Variants in LPIN3 observed in about 807,000 individuals in gnomAD.
LPIN3 encodes phosphatidate phosphatase LPIN3.
LPIN3 carries 82 observed loss-of-function variants against 94.7 expected under a neutral mutation model. The ratio of observed to expected loss-of-function variants is 0.87; its 90% confidence interval spans 0.72 to 1.04. The LOEUF (loss-of-function observed/expected upper bound fraction) is 1.04, where lower values mean the gene tolerates loss of function less well. Ranked by LOEUF, LPIN3 falls within the 50% of genes least tolerant of loss-of-function variation. The pLI, the probability that LPIN3 is intolerant of heterozygous loss-of-function variation, is 0.00. For missense variants in LPIN3, 996 were observed against 1,090.5 expected (o/e 0.91, Z 1.22); for synonymous variants, 418 against 443.3 (o/e 0.94, Z 0.72).
At chr20:41,350,813 G>A (rs2045980974) in intron 7 of LPIN3, among the ~76,000 whole-genome samples, 6 of 152,188 alleles carry the variant, frequency 3.9e-5, no homozygotes, top group Admixed American at 3.9e-4. Flanking sequence ...AGAAATGGAA[G>A]ACGGCCGGGA....
At chr20:41,356,070 GGCTGA>G (rs1255745979) in intron 14 of LPIN3, 36 bp downstream of exon 14, 1 of 1,606,248 alleles carries the variant, frequency 6.2e-7, no homozygotes, top group South Asian at 1.1e-5. Flanking sequence ...GTTGGGGAGG[GGCTGA>G]GCTAATTCTG....
intron 5 of LPIN3, 131 bp downstream of exon 5, chr20:41,349,303 TA>T (rs1271447324): frequency 1.3e-6 from 1 of 751,092 alleles, no homozygotes; most frequent in Non-Finnish European, 2.1e-6. Context: ...TTTTCCTTTG[TA>T]AAGAGTTCAA....
intron 2 of LPIN3, 45 bp from the exon 3 acceptor site, chr20:41,347,507 A>G: frequency 6.3e-7 from 1 of 1,586,754 alleles, no homozygotes; most frequent in African/African-American, 1.3e-5. Context: ...GGTCGGAAGC[A>G]TGGGCGTGAA....
Position 41,349,846 on chromosome 20 carries a change from C to G in LPIN3, c.711C>G (p.Pro237=), listed in dbSNP as rs761735885. 1.9e-5 allele frequency: 30 copies of G among 1,613,492 alleles called. No individual in the cohort carries two copies. Among genetic ancestry groups the G allele is most frequent in the Non-Finnish European group, 2.5e-5 (30 of 1,180,030 alleles). Residue 237 remains proline, a synonymous_variant, in exon 6 of 20, where the codon CCC becomes CCG. Transcript: ENST00000373257. ...ELEVRTPEPS[P]LRAESHMQWA... is the part of the protein sequence containing the mutation. ...AGGTGCGGACCCCGGAGCCCAGTCCCCTAAGAGCCGAGTCCCACATGCAGT... is the reference window on the plus strand; with the variant it reads ...AGGTGCGGACCCCGGAGCCCAGTCCGCTAAGAGCCGAGTCCCACATGCAGT...
In LPIN3 at chr20:41,354,576, C is replaced by G. The variant is rs781738552; in HGVS notation, c.1528-69C>G. On this transcript the variant is annotated intron_variant, in intron 11 of 19. Transcript: ENST00000373257. ...CTCTGGGCTCATGCGTGGAGGGTCCCAAGAACAACGTAAGGTAGGAGGTTT... is the reference window on the plus strand; with the variant it reads ...CTCTGGGCTCATGCGTGGAGGGTCCGAAGAACAACGTAAGGTAGGAGGTTT... The G allele has an allele frequency of 4.1e-6, 6 of 1,458,260 alleles. No homozygotes were observed. The East Asian group carries it at 1.4e-4, about 34-fold the overall frequency. 90.3% of individuals were successfully genotyped at this position (1,458,260 alleles called of 1,614,324 possible).
chr20:41,352,159 A>G lies in LPIN3; in HGVS notation c.1302A>G (p.Thr434=), dbSNP rs754566947. The change falls in exon 9 of 20, where the codon ACA becomes ACG. Residue 434 remains threonine (T), a synonymous_variant. Transcript: ENST00000373257. The part of the protein sequence containing the change: ...PEHEPEPTLD[T]VDTIALSLCG... Reference sequence around the variant, plus strand: ...ATGAACCTGAACCCACTCTGGACACAGTGGATACAATAGCACTGTCCCTCT... The same window carrying G: ...ATGAACCTGAACCCACTCTGGACACGGTGGATACAATAGCACTGTCCCTCT... 6.2e-7 allele frequency: 1 copy of G among 1,614,114 alleles called. No individual in the cohort carries two copies. Among genetic ancestry groups the G allele is most frequent in the Non-Finnish European group, 8.5e-7 (1 of 1,180,052 alleles).
At position 41,351,903 on chromosome 20, in the gene LPIN3, G is replaced by A. The variant is rs139441146; in HGVS notation, c.1185G>A (p.Ala395=). 1,995 of 1,614,228 alleles carry A rather than the reference G, an allele frequency of 1.2e-3. 4 individuals carry two copies. The highest frequency in any genetic ancestry group is 1.6e-3 in the Non-Finnish European group (1,870 of 1,180,044). The change falls in exon 8 of 20, where the codon GCG becomes GCA. Residue 395 remains alanine, a synonymous_variant. Coordinates refer to ENST00000373257, the MANE Select transcript of LPIN3 (RefSeq NM_022896.3). The stretch of plus-strand genomic sequence containing the variant: ...CCTCCCTGGACTCTGAGAATGCAGC[G>A]CTTTACTTCCCCCAAAGGTGCCTGG... ...DLPSLDSENA[A]LYFPQSDSGL... is the part of the protein sequence containing the mutation.
chr20:41,357,280 T>C, intron 15 of LPIN3, 81 bp from the exon 16 acceptor site: 1 of 1,597,740 alleles, frequency 6.3e-7, no homozygotes, highest in Non-Finnish European at 8.6e-7. Context: ...AGAGGAGCCC[T>C]CCCTTCCTGG....
At chr20:41,353,616 T>C (rs73267558) in intron 11 of LPIN3, among the ~76,000 whole-genome samples, 7,707 of 152,186 alleles carry the variant, frequency 0.051, 634 homozygotes, top group African/African-American at 0.18. Flanking sequence ...CCTAGCCTCT[T>C]TACTCTTCCC....
intron 2 of LPIN3, among the ~76,000 whole-genome samples, chr20:41,346,424 A>C (rs1195712790): frequency 6.6e-6 from 1 of 152,218 alleles, no homozygotes; most frequent in African/African-American, 2.4e-5. Context: ...GAAACACTCA[A>C]ATGTTAGTTT....
intron 2 of LPIN3, 121 bp from the exon 3 acceptor site, chr20:41,347,431 G>T: frequency 1.1e-6 from 1 of 879,416 alleles, no homozygotes; most frequent in East Asian, 2.5e-5. Flanking sequence ...CCGGAGGGAG[G>T]GAACCCCAGC....
At chr20:41,348,963 T>C (rs1164609604) in intron 4 of LPIN3, 76 bp downstream of exon 4, 10 of 1,580,704 alleles carry the variant, frequency 6.3e-6, no homozygotes, top group African/African-American at 2.7e-5. Flanking sequence ...CTGTGTGACT[T>C]TGGGCAAGGG....
intron 11 of LPIN3, 80 bp from the exon 12 acceptor site, chr20:41,354,565 G>C (rs558588966): frequency 2.2e-6 from 3 of 1,391,696 alleles, no homozygotes; most frequent in South Asian, 3.0e-5. Context: ...GGGCTCATGC[G>C]TGGAGGGTCC....
intron 7 of LPIN3, among the ~76,000 whole-genome samples, chr20:41,351,455 C>A (rs2046010899): frequency 6.6e-6 from 1 of 151,554 alleles, no homozygotes; most frequent in Non-Finnish European, 1.5e-5. Flanking sequence ...TGTCACCACG[C>A]CCAGCTAATT....
intron 13 of LPIN3, 61 bp downstream of exon 13, chr20:41,354,924 C>T: frequency 6.6e-7 from 1 of 1,506,808 alleles, no homozygotes; most frequent in Non-Finnish European, 8.9e-7. Flanking sequence ...GCCCTGGGTG[C>T]AGGTGGGTGG....
chr20:41,352,970 G>C (rs1489747414), intron 11 of LPIN3, 103 bp downstream of exon 11: 13 of 1,295,548 alleles, frequency 1.0e-5, no homozygotes, highest in Non-Finnish European at 1.4e-5. Flanking sequence ...GATGGGCCTG[G>C]GAGCCAGGGG....
intron 7 of LPIN3, 138 bp downstream of exon 7, chr20:41,350,535 G>C: frequency 1.5e-6 from 1 of 680,854 alleles, no homozygotes; most frequent in Non-Finnish European, 2.5e-6. Flanking sequence ...GAAGCTCACA[G>C]TGCAGTGTGG....
Position 41,357,428 on chromosome 20 carries a change from C to G in LPIN3, c.2020C>G (p.Leu674Val). ...CTGGACACACCAGGGCATCACCAGT[C>G]TCTATCACAAAATCCAACTGTGAGT... Reference protein sequence around the residue: ...KDWTHQGITSLYHKIQLNGYK... With the variant: ...KDWTHQGITSVYHKIQLNGYK... Residue 674 changes from leucine to valine, a missense_variant, in exon 16 of 20, where the codon CTC becomes GTC. Physicochemically the swap from Leu to Val is conservative, Grantham distance 32. Coordinates refer to ENST00000373257, the MANE Select transcript of LPIN3 (RefSeq NM_022896.3). 3 of 1,613,730 alleles carry G rather than the reference C, an allele frequency of 1.9e-6. No individual in the cohort carries two copies. In the South Asian group the frequency reaches 3.3e-5, roughly 18 times the overall value.
At chr20:41,341,109 C>T (rs1425181986) in intron 1 of LPIN3, 107 bp downstream of exon 1, 2 of 152,270 alleles carry the variant, frequency 1.3e-5, no homozygotes, top group African/African-American at 4.8e-5. Flanking sequence ...CCTGGGTCCA[C>T]CCCTAGCTGT....
Sources: allele counts gnomAD v4.1 joint callset (sites outside exome capture counted in the v4.1 genomes callset), GRCh38; gene constraint gnomAD v4.1.1; transcripts MANE v1.5; gene names NCBI Gene and HGNC (gene_info 2026-07-23, HGNC 2026-07-21).